Variants in UNC5D observed in about 807,000 individuals in gnomAD.
UNC5D encodes the protein unc-5 netrin receptor D.
UNC5D carries 39 observed loss-of-function variants against 105.4 expected under a neutral mutation model. The observed-to-expected ratio is 0.37, with a 90% CI of 0.29 to 0.48. UNC5D has a LOEUF of 0.48. Ranked by LOEUF, UNC5D falls within the 20% of genes least tolerant of loss-of-function variation. The pLI, the probability that UNC5D is intolerant of heterozygous loss-of-function variation, is 0.98. For missense variants in UNC5D, 991 were observed against 1,202.4 expected (o/e 0.82, Z 2.60); for synonymous variants, 452 against 450.4 (o/e 1.00, Z -0.04).
At chr8:35,307,732 G>T (rs562196318) in intron 1 of UNC5D, among the ~76,000 whole-genome samples, 12 of 152,234 alleles carry the variant, frequency 7.9e-5, no homozygotes, top group Non-Finnish European at 1.8e-4. Context: ...GCAGTCTTTT[G>T]GGTAGGTGAG....
intron 1 of UNC5D, among the ~76,000 whole-genome samples, chr8:35,306,229 G>GCA: frequency 6.6e-6 from 1 of 151,906 alleles, no homozygotes. Context: ...GTGTGTGTGT[G>GCA]CGCGTGTGTG....
chr8:35,237,354 T>C (rs1185420561), intron 1 of UNC5D, among the ~76,000 whole-genome samples: 2 of 152,042 alleles, frequency 1.3e-5, no homozygotes, highest in African/African-American at 4.8e-5. Context: ...GGCAAATGTC[T>C]CATTGCAAAG....
intron 1 of UNC5D, among the ~76,000 whole-genome samples, chr8:35,327,635 G>T (rs540520510): frequency 1.3e-5 from 2 of 152,224 alleles, no homozygotes; most frequent in African/African-American, 4.8e-5. Flanking sequence ...TGTTGTGGGG[G>T]GGGGATCTGG....
At chr8:35,634,377 C>A (rs1822227632) in intron 4 of UNC5D, among the ~76,000 whole-genome samples, 1 of 152,142 alleles carries the variant, frequency 6.6e-6, no homozygotes, top group South Asian at 2.1e-4. Flanking sequence ...AAAGGAGTAG[C>A]AAAGGTTGCA....
intron 1 of UNC5D, among the ~76,000 whole-genome samples, chr8:35,455,583 G>T (rs745751413): frequency 6.6e-6 from 1 of 151,810 alleles, no homozygotes; most frequent in Admixed American, 6.6e-5. Flanking sequence ...CAGGCCAAAG[G>T]TAGGAATGGA....
intron 3 of UNC5D, among the ~76,000 whole-genome samples, 156 bp from the exon 4 acceptor site, chr8:35,595,398 A>G (rs1819427835): frequency 6.6e-6 from 1 of 152,100 alleles, no homozygotes; most frequent in Non-Finnish European, 1.5e-5. Context: ...ATTTGGAAAA[A>G]CGATTCTCTT....
At chr8:35,406,972 T>C (rs1262340264) in intron 1 of UNC5D, among the ~76,000 whole-genome samples, 1 of 152,160 alleles carries the variant, frequency 6.6e-6, no homozygotes, top group Non-Finnish European at 1.5e-5. Flanking sequence ...ATATGAACTA[T>C]CATGTACAGA....
chr8:35,348,237 T>A (rs1258550048), intron 1 of UNC5D, among the ~76,000 whole-genome samples: 2 of 151,796 alleles, frequency 1.3e-5, no homozygotes, highest in Non-Finnish European at 2.9e-5. Context: ...CCAAAAAAAA[T>A]TATATATATA....
At position 35,617,013 on chromosome 8, in the gene UNC5D, A is replaced by G. The variant is rs549261387; in HGVS notation, c.570+21356A>G. 2.6e-5 allele frequency among the ~76,000 whole-genome samples: 4 copies of G among 152,338 alleles called. No homozygotes were observed. The East Asian group carries it at 7.7e-4, about 29-fold the overall frequency. On this transcript the variant is annotated intron_variant, in intron 4 of 16. Coordinates refer to ENST00000404895, the MANE Select transcript of UNC5D (RefSeq NM_080872.4). ...AATTCAGCAGTAATGTTCCATGGGC[A>G]TGAATCAAGAACTCATCCCAATCCT...
At chr8:35,575,207 CT>C (rs1818006480) in intron 3 of UNC5D, among the ~76,000 whole-genome samples, 1 of 151,996 alleles carries the variant, frequency 6.6e-6, no homozygotes, top group Admixed American at 6.5e-5. Context: ...TCGTAAACTG[CT>C]TGAGGATTCA....
At chr8:35,418,704 A>G (rs943913144) in intron 1 of UNC5D, among the ~76,000 whole-genome samples, 1 of 152,160 alleles carries the variant, frequency 6.6e-6, no homozygotes, top group African/African-American at 2.4e-5. Flanking sequence ...TTCATATCTC[A>G]TCAGTAATAT....
At chr8:35,450,913 A>G (rs1044202281) in intron 1 of UNC5D, among the ~76,000 whole-genome samples, 1 of 152,194 alleles carries the variant, frequency 6.6e-6, no homozygotes, top group African/African-American at 2.4e-5. Flanking sequence ...GCACCTTTAA[A>G]GTAGACTAGG....
At chr8:35,744,071 G>A (rs1829891731) in intron 11 of UNC5D, among the ~76,000 whole-genome samples, 1 of 152,188 alleles carries the variant, frequency 6.6e-6, no homozygotes, top group African/African-American at 2.4e-5. Flanking sequence ...CTGAGTCTTT[G>A]TATTTCATGA....
chr8:35,676,408 T>G (rs1484646974), intron 4 of UNC5D, among the ~76,000 whole-genome samples: 1 of 152,142 alleles, frequency 6.6e-6, no homozygotes, highest in Non-Finnish European at 1.5e-5. Context: ...GGTGAATGCC[T>G]CCAACAACCT....
chr8:35,425,517 T>G (rs554928773), intron 1 of UNC5D, among the ~76,000 whole-genome samples: 6 of 152,286 alleles, frequency 3.9e-5, no homozygotes, highest in African/African-American at 1.4e-4. Flanking sequence ...ACCTTAGGAT[T>G]ATGGTAAGCC....
chr8:35,586,044 G>A (rs1398457661), intron 3 of UNC5D, among the ~76,000 whole-genome samples: 1 of 151,998 alleles, frequency 6.6e-6, no homozygotes, highest in Non-Finnish European at 1.5e-5. Flanking sequence ...AGGCCGAGGC[G>A]GGTGGATCAC....
chr8:35,430,961 T>C (rs1806593471), intron 1 of UNC5D, among the ~76,000 whole-genome samples: 2 of 152,172 alleles, frequency 1.3e-5, no homozygotes, highest in Admixed American at 1.3e-4. Flanking sequence ...TTGAACATTG[T>C]GATGGACACA....
At chr8:35,560,153 T>C (rs1254043377) in intron 2 of UNC5D, among the ~76,000 whole-genome samples, 1 of 152,242 alleles carries the variant, frequency 6.6e-6, no homozygotes, top group Non-Finnish European at 1.5e-5. Flanking sequence ...GGTTGGACTT[T>C]TCTATGCTTA....
chr8:35,730,142 T>C (rs1563714389), intron 10 of UNC5D, among the ~76,000 whole-genome samples: 1 of 152,206 alleles, frequency 6.6e-6, no homozygotes, highest in Admixed American at 6.5e-5. Context: ...TCTTACTGTT[T>C]CTCTATTTCA....
Sources: gnomAD v4.1 joint callset for allele counts (sites outside exome capture counted in the v4.1 genomes callset) on GRCh38, gnomAD v4.1.1 for gene constraint, MANE v1.5 for transcripts, NCBI Gene and HGNC (gene_info 2026-07-23, HGNC 2026-07-21) for gene names.